The following NDST4 variants were observed in gnomAD, a reference collection of about 807,000 sequenced individuals.
The protein encoded by NDST4 is N-deacetylase and N-sulfotransferase 4.
NDST4 carries 63 observed loss-of-function variants against 100.8 expected under a neutral mutation model. The ratio of observed to expected loss-of-function variants is 0.62; its 90% CI spans 0.51 to 0.77. The LOEUF (loss-of-function observed/expected upper bound fraction) is 0.77, where lower values mean the gene tolerates loss of function less well. Ranked by LOEUF, NDST4 falls within the 30% of genes least tolerant of loss-of-function variation. The probability of loss-of-function intolerance (pLI) is 0.00; values close to 1 mark genes in which losing one functional copy is unlikely to be tolerated. For missense variants in NDST4, 943 were observed against 1,018.4 expected, an observed-to-expected ratio of 0.93 and a Z score of 1.01; for synonymous variants, 377 against 361.8, an observed-to-expected ratio of 1.04 and a Z score of -0.48.
intron 2 of NDST4, among the ~76,000 whole-genome samples, chr4:115,072,413 G>A (rs890881992): frequency 2.0e-5 from 3 of 151,838 alleles, no homozygotes; most frequent in African/African-American, 7.2e-5. Context: ...AAGCAATCTT[G>A]AGGAAAACAA....
At chr4:114,837,021 C>T (rs1302668587) in intron 11 of NDST4, among the ~76,000 whole-genome samples, 10 of 152,040 alleles carry the variant, frequency 6.6e-5, no homozygotes, top group Admixed American at 6.6e-4. Flanking sequence ...GTTCCTGTAA[C>T]ATTTACCAAG....
chr4:115,004,128 G>T (rs1296988976), intron 2 of NDST4, among the ~76,000 whole-genome samples: 1 of 151,826 alleles, frequency 6.6e-6, no homozygotes, highest in African/African-American at 2.4e-5. Context: ...GGATCTAATC[G>T]CCTAAGCCTT....
At chr4:114,867,876 T>C (rs952156717) in intron 7 of NDST4, among the ~76,000 whole-genome samples, 1 of 152,044 alleles carries the variant, frequency 6.6e-6, no homozygotes, top group Non-Finnish European at 1.5e-5. Flanking sequence ...TAATCACCTG[T>C]GAAAGAATCA....
intron 2 of NDST4, among the ~76,000 whole-genome samples, chr4:115,028,638 T>C (rs762461423): frequency 1.3e-5 from 2 of 152,066 alleles, no homozygotes; most frequent in Non-Finnish European, 2.9e-5. Flanking sequence ...GTTGTACATT[T>C]GAATTTGTGA....
intron 7 of NDST4, among the ~76,000 whole-genome samples, chr4:114,862,675 T>G (rs1465291489): frequency 6.6e-6 from 1 of 152,054 alleles, no homozygotes; most frequent in African/African-American, 2.4e-5. Flanking sequence ...ACTGGTGAAA[T>G]AAAATGTTCA....
intron 6 of NDST4, among the ~76,000 whole-genome samples, chr4:114,925,391 G>A (rs554696893): frequency 1.1e-4 from 16 of 152,014 alleles, no homozygotes; most frequent in South Asian, 8.3e-4. Flanking sequence ...AGAATTTCTC[G>A]AAGTTTGTTT....
At chr4:115,008,979 G>C (rs1202636484) in intron 2 of NDST4, among the ~76,000 whole-genome samples, 2 of 127,188 alleles carry the variant, frequency 1.6e-5, no homozygotes, top group Non-Finnish European at 1.7e-5. Flanking sequence ...ACTTACAAGG[G>C]ACATGAAGGA....
intron 1 of NDST4, among the ~76,000 whole-genome samples, chr4:115,099,741 G>A (rs1394780163): frequency 6.6e-6 from 1 of 152,144 alleles, no homozygotes; most frequent in African/African-American, 2.4e-5. Flanking sequence ...CAGCCACTTT[G>A]CAAGACAATT....
At chr4:115,022,828 G>T (rs1334343090) in intron 2 of NDST4, among the ~76,000 whole-genome samples, 1 of 152,080 alleles carries the variant, frequency 6.6e-6, no homozygotes, top group African/African-American at 2.4e-5. Flanking sequence ...CCCTGCACAA[G>T]CTCTCTTTGC....
chr4:114,876,706 T>C lies in NDST4; in HGVS notation c.1537-5756A>G, dbSNP rs532095334. Among the ~76,000 whole-genome samples, 10 of 152,300 alleles carry C rather than the reference T, an allele frequency of 6.6e-5. No individual in the cohort carries two copies. The East Asian group carries it at 1.9e-3, about 29-fold the overall frequency. On this transcript the variant is annotated intron_variant, in intron 6 of 13. Transcript: ENST00000264363. ...ATAACTATATTAATCTTTTGCTCAA[T>C]CTAAAAATGGTTCTCAGCTTGGAGT...
At chr4:115,034,695 G>T (rs932925639) in intron 2 of NDST4, among the ~76,000 whole-genome samples, 3 of 151,962 alleles carry the variant, frequency 2.0e-5, no homozygotes, top group African/African-American at 7.2e-5. Flanking sequence ...AGTGACATTG[G>T]TTGATGACCC....
At chr4:115,111,742 T>G (rs1729956722) in intron 1 of NDST4, among the ~76,000 whole-genome samples, 1 of 151,732 alleles carries the variant, frequency 6.6e-6, no homozygotes, top group African/African-American at 2.4e-5. Flanking sequence ...AAAGGGTTTT[T>G]ATGTATCAGT....
At chr4:114,910,377 A>G (rs1489344566) in intron 6 of NDST4, among the ~76,000 whole-genome samples, 1 of 152,178 alleles carries the variant, frequency 6.6e-6, no homozygotes, top group African/African-American at 2.4e-5. Flanking sequence ...ACATCATAAT[A>G]TTTCAATCTT....
At chr4:114,871,797 A>T (rs952181895) in intron 6 of NDST4, among the ~76,000 whole-genome samples, 1 of 152,026 alleles carries the variant, frequency 6.6e-6, no homozygotes, top group African/African-American at 2.4e-5. Context: ...TGATATTTTC[A>T]AATTTAATTG....
chr4:114,896,666 T>A (rs1724721294), intron 6 of NDST4, among the ~76,000 whole-genome samples: 1 of 152,050 alleles, frequency 6.6e-6, no homozygotes, highest in Non-Finnish European at 1.5e-5. Context: ...ATACTGCATT[T>A]TAGAAGAACA....
At chr4:115,035,701 T>C (rs910341601) in intron 2 of NDST4, among the ~76,000 whole-genome samples, 2 of 152,080 alleles carry the variant, frequency 1.3e-5, no homozygotes, top group Non-Finnish European at 2.9e-5. Context: ...TGTGTACCTA[T>C]ATGACTACGA....
chr4:114,926,386 A>C (rs1180374786), intron 6 of NDST4, among the ~76,000 whole-genome samples: 1 of 152,138 alleles, frequency 6.6e-6, no homozygotes, highest in African/African-American at 2.4e-5. Flanking sequence ...TGAATCAAAA[A>C]ATATAACACA....
At chr4:114,852,885 T>C in intron 7 of NDST4, 64 bp from the exon 8 acceptor site, 1 of 1,180,878 alleles carries the variant, frequency 8.5e-7, no homozygotes, top group Non-Finnish European at 1.2e-6. Flanking sequence ...TCTCTAAAAA[T>C]TGTTCAAAAG....
intron 2 of NDST4, among the ~76,000 whole-genome samples, chr4:115,061,355 A>G (rs1415862485): frequency 6.6e-6 from 1 of 152,158 alleles, no homozygotes; most frequent in African/African-American, 2.4e-5. Context: ...TTACAATAGC[A>G]AAGACTTGGA....
Sources: allele counts gnomAD v4.1 joint callset (sites outside exome capture counted in the v4.1 genomes callset), GRCh38; gene constraint gnomAD v4.1.1; transcripts MANE v1.5; gene names NCBI Gene and HGNC (gene_info 2026-07-23, HGNC 2026-07-21).